Variants in ZBTB44 observed in about 807,000 individuals in gnomAD.
ZBTB44 encodes zinc finger and BTB domain-containing protein 44.
ZBTB44 carries 15 observed loss-of-function variants against 54.0 expected under a neutral mutation model. The ratio of observed to expected loss-of-function variants is 0.28; its 90% CI spans 0.19 to 0.43. The LOEUF is 0.43. ZBTB44 is among the 20% of genes least tolerant of loss of function. The pLI is 1.00. For synonymous variants in ZBTB44, 230 were observed against 250.1 expected, an observed-to-expected ratio of 0.92 and a Z score of 0.76; for missense variants, 487 against 707.1, an observed-to-expected ratio of 0.69 and a Z score of 3.53.
intron 1 of ZBTB44, among the ~76,000 whole-genome samples, chr11:130,293,970 T>C (rs956215589): frequency 2.6e-5 from 4 of 152,214 alleles, no homozygotes; most frequent in African/African-American, 9.6e-5. Flanking sequence ...ATGATTAGAA[T>C]TTCCTCTCCT....
intron 1 of ZBTB44, among the ~76,000 whole-genome samples, chr11:130,280,289 A>T (rs1940412121): frequency 6.6e-6 from 1 of 152,242 alleles, no homozygotes; most frequent in South Asian, 2.1e-4. Context: ...TAGTCTGTTT[A>T]TAAGTAACTA....
Position 130,230,458 on chromosome 11 carries a change from A to G in ZBTB44, c.*1306T>C, listed in dbSNP as rs1303597305. 7.7e-6 allele frequency: 1 copy of G among 130,172 alleles called. No individual in the cohort carries two copies. The highest frequency in any genetic ancestry group is 2.9e-5 in the African/African-American group (1 of 34,874). 8.1% of individuals were successfully genotyped at this position (130,172 alleles called of 1,614,324 possible). A position where few individuals can be genotyped will look rare whatever the true frequency, so the allele number is the denominator to read the frequency against. The stretch of plus-strand genomic sequence containing the variant: ...TTGCTAGTTATTAAGAACAAAGGGC[A>G]TGTGTCGTAACAGGGGATCTAATTA... On this transcript the variant is annotated 3_prime_UTR_variant, in exon 8 of 8. Transcript: ENST00000357899.
At chr11:130,265,814 C>A (rs993178057) in intron 1 of ZBTB44, among the ~76,000 whole-genome samples, 3 of 152,136 alleles carry the variant, frequency 2.0e-5, no homozygotes, top group Admixed American at 6.6e-5. Context: ...GAGGAAGCTG[C>A]AGAAGAAAAG....
chr11:130,253,256 T>C (rs1287334474), intron 2 of ZBTB44, among the ~76,000 whole-genome samples: 2 of 152,160 alleles, frequency 1.3e-5, no homozygotes, highest in Non-Finnish European at 2.9e-5. Context: ...GGTATTCAAT[T>C]ACGAAAAGAG....
At chr11:130,233,782 T>A in intron 6 of ZBTB44, 1 of 1,155,370 alleles carries the variant, frequency 8.7e-7, no homozygotes, top group Non-Finnish European at 1.1e-6. Context: ...TGTTTCAACA[T>A]CATGTTATTG....
intron 1 of ZBTB44, among the ~76,000 whole-genome samples, chr11:130,272,681 CTAATA>C (rs1345530374): frequency 6.8e-6 from 1 of 146,954 alleles, no homozygotes; most frequent in African/African-American, 2.6e-5. Flanking sequence ...TGAAGATTTA[CTAATA>C]TCTTTTTTTT....
intron 1 of ZBTB44, chr11:130,296,832 C>T (rs1941682946): frequency 1.3e-6 from 1 of 746,042 alleles, no homozygotes; most frequent in South Asian, 1.4e-5. Context: ...TTCTCTGAAA[C>T]AGATCTTTAA....
At chr11:130,284,212 A>G (rs1351578404) in intron 1 of ZBTB44, among the ~76,000 whole-genome samples, 1 of 152,240 alleles carries the variant, frequency 6.6e-6, no homozygotes, top group African/African-American at 2.4e-5. Flanking sequence ...ATAGAATTAT[A>G]CTGTATATGA....
chr11:130,289,172 T>A (rs897003568), intron 1 of ZBTB44, among the ~76,000 whole-genome samples: 3 of 151,844 alleles, frequency 2.0e-5, no homozygotes, highest in African/African-American at 7.3e-5. Flanking sequence ...CCTGAACAAA[T>A]CTGCAACGTA....
At chr11:130,295,310 G>A (rs1329491124) in intron 1 of ZBTB44, among the ~76,000 whole-genome samples, 2 of 152,076 alleles carry the variant, frequency 1.3e-5, no homozygotes, top group African/African-American at 4.8e-5. Flanking sequence ...GGCAGTGGAA[G>A]ATATAAAACC....
At chr11:130,313,182 T>C (rs78169170) in intron 1 of ZBTB44, among the ~76,000 whole-genome samples, 1,974 of 152,332 alleles carry the variant, frequency 0.013, 47 homozygotes, top group African/African-American at 0.045. Context: ...ATCTAAACTA[T>C]CTTACTAGTT....
intron 2 of ZBTB44, among the ~76,000 whole-genome samples, chr11:130,245,641 G>C (rs892006545): frequency 1.3e-5 from 2 of 152,124 alleles, no homozygotes; most frequent in African/African-American, 4.8e-5. Flanking sequence ...AGGCCAAGAA[G>C]ACTGGCATCG....
At chr11:130,241,754 T>A (rs1954372553) in intron 2 of ZBTB44, among the ~76,000 whole-genome samples, 1 of 152,210 alleles carries the variant, frequency 6.6e-6, no homozygotes, top group Non-Finnish European at 1.5e-5. Flanking sequence ...GTCTTGTTTT[T>A]AAAAAATCTT....
chr11:130,299,958 A>C (rs977872443), intron 1 of ZBTB44, among the ~76,000 whole-genome samples: 6 of 152,238 alleles, frequency 3.9e-5, no homozygotes, highest in Non-Finnish European at 8.8e-5. Flanking sequence ...ATAAATACAC[A>C]ATGGAATATT....
intron 1 of ZBTB44, chr11:130,296,891 A>G (rs1565332797): frequency 4.1e-6 from 3 of 729,512 alleles, no homozygotes; most frequent in Non-Finnish European, 7.6e-6. Flanking sequence ...TTGATTTCAA[A>G]GTGCCTGCCT....
intron 1 of ZBTB44, among the ~76,000 whole-genome samples, chr11:130,293,306 TAAAA>T (rs71061378): frequency 7.4e-6 from 1 of 134,724 alleles, no homozygotes; most frequent in Non-Finnish European, 1.6e-5. Flanking sequence ...TACTAAAAAT[TAAAA>T]AAAAAAAAAA....
intron 1 of ZBTB44, among the ~76,000 whole-genome samples, chr11:130,284,097 T>C (rs1271955301): frequency 6.6e-6 from 1 of 151,556 alleles, no homozygotes; most frequent in Non-Finnish European, 1.5e-5. Flanking sequence ...AAGACCAGCC[T>C]GGCCAACATG....
At chr11:130,267,510 A>G (rs11222020) in intron 1 of ZBTB44, among the ~76,000 whole-genome samples, 1 of 151,862 alleles carries the variant, frequency 6.6e-6, no homozygotes. Context: ...GGGTCAAGCA[A>G]TCCTCCTGTC....
At chr11:130,259,983 T>C (rs1463397900) in intron 2 of ZBTB44, among the ~76,000 whole-genome samples, 2 of 151,822 alleles carry the variant, frequency 1.3e-5, no homozygotes, top group African/African-American at 4.8e-5. Flanking sequence ...AGAAAACAAC[T>C]ATAAATCATT....
Sources: gnomAD v4.1 joint callset for allele counts (sites outside exome capture counted in the v4.1 genomes callset) on GRCh38, gnomAD v4.1.1 for gene constraint, MANE v1.5 for transcripts, NCBI Gene and HGNC (gene_info 2026-07-23, HGNC 2026-07-21) for gene names.